The following NAA11 variants were observed in gnomAD, a reference collection of about 807,000 sequenced individuals.
NAA11 encodes the protein N-alpha-acetyltransferase 11, NatA catalytic subunit, also known as N-alpha-acetyltransferase 11.
NAA11 carries 15 observed loss-of-function variants against 16.1 expected under a neutral mutation model. The observed-to-expected ratio is 0.93, with a 90% CI of 0.62 to 1.44. The LOEUF (loss-of-function observed/expected upper bound fraction) is 1.44, where lower values mean the gene tolerates loss of function less well. Ranked by LOEUF, NAA11 falls within the 40% of genes most tolerant of loss-of-function variation. The pLI is 0.00. For synonymous variants in NAA11, 122 were observed against 112.4 expected (o/e 1.09, Z -0.54); for missense variants, 298 against 291.3 (o/e 1.02, Z -0.17).
chr4:79,202,647 A>ATATATATATATATATC, the NAA11 span, among the ~76,000 whole-genome samples: 97 of 126,622 alleles, frequency 7.7e-4, 8 homozygotes, highest in East Asian at 7.9e-4. Flanking sequence ...ATATATATAT[A>ATATATATATATATATC]TATCTGTGTA....
the NAA11 span, among the ~76,000 whole-genome samples, chr4:79,205,399 G>C: frequency 6.6e-6 from 1 of 151,982 alleles, no homozygotes; most frequent in Middle Eastern, 3.4e-3. Flanking sequence ...TTGGTCATTT[G>C]TATATCTTCT....
chr4:79,305,787 T>C (rs1032814300), intron 1 of NAA11, among the ~76,000 whole-genome samples: 2 of 152,198 alleles, frequency 1.3e-5, no homozygotes, highest in African/African-American at 4.8e-5. Flanking sequence ...TTTAGGTATA[T>C]TGAAAGACTC....
chr4:79,283,808 C>G (rs1208899166), intron 2 of NAA11, among the ~76,000 whole-genome samples: 1 of 152,014 alleles, frequency 6.6e-6, no homozygotes, highest in African/African-American at 2.4e-5. Flanking sequence ...TAAAAAATAT[C>G]TGTACTAGAA....
intron 2 of NAA11, among the ~76,000 whole-genome samples, chr4:79,241,018 A>G (rs1721682440): frequency 6.6e-6 from 1 of 152,220 alleles, no homozygotes; most frequent in South Asian, 2.1e-4. Context: ...CGATATGGCT[A>G]GTGGAGAAAG....
the NAA11 span, among the ~76,000 whole-genome samples, chr4:79,206,376 T>TC: frequency 9.0e-4 from 137 of 152,004 alleles, no homozygotes; most frequent in African/African-American, 3.2e-3. Context: ...TCAAAGACTT[T>TC]CCCCCCCATC....
chr4:79,157,252 C>A, the NAA11 span, among the ~76,000 whole-genome samples: 1 of 152,028 alleles, frequency 6.6e-6, no homozygotes, highest in Non-Finnish European at 1.5e-5. Flanking sequence ...TCTCTCACCC[C>A]CTCCCACCTT....
At chr4:79,193,623 C>T in the NAA11 span, among the ~76,000 whole-genome samples, 179 of 152,262 alleles carry the variant, frequency 1.2e-3, no homozygotes, top group African/African-American at 3.8e-3. Flanking sequence ...GTTTTGGTTA[C>T]TGTAGCCTTG....
downstream of NAA11, among the ~76,000 whole-genome samples, chr4:79,224,518 A>G (rs1476276376): frequency 2.0e-5 from 3 of 152,126 alleles, no homozygotes; most frequent in African/African-American, 7.2e-5. Context: ...AAAAAAAGCA[A>G]CCAACCAGAC....
downstream of NAA11, among the ~76,000 whole-genome samples, chr4:79,312,171 A>G (rs986217429): frequency 6.6e-6 from 1 of 152,202 alleles, no homozygotes; most frequent in African/African-American, 2.4e-5. Context: ...AGAGTACGTG[A>G]TTTTTCAAAA....
the NAA11 span, chr4:79,195,915 C>T: frequency 0.088 from 13,588 of 154,224 alleles, 688 homozygotes; most frequent in Middle Eastern, 0.13. Flanking sequence ...CCTGAGACCT[C>T]GCCAGCCATG....
exon 3 of NAA11, chr4:79,226,099 G>C (rs1239895909): frequency 6.6e-6 from 1 of 152,090 alleles, no homozygotes; most frequent in African/African-American, 2.4e-5. Context: ...GTGTGTGTGT[G>C]AGTGTGAGTG....
chr4:79,246,831 G>T (rs1284585519), intron 2 of NAA11, among the ~76,000 whole-genome samples: 1 of 152,182 alleles, frequency 6.6e-6, no homozygotes, highest in Admixed American at 6.5e-5. Context: ...GATTCACTTA[G>T]AATTCAAATT....
the NAA11 span, among the ~76,000 whole-genome samples, chr4:79,171,495 T>C: frequency 2.0e-5 from 3 of 152,178 alleles, no homozygotes; most frequent in South Asian, 4.1e-4. Context: ...TATTCTGCTA[T>C]AGCAGCATAA....
downstream of NAA11, among the ~76,000 whole-genome samples, chr4:79,224,794 T>C (rs114139002): frequency 6.3e-3 from 961 of 152,220 alleles, 17 homozygotes; most frequent in African/African-American, 0.021. Context: ...CAGTGATCAA[T>C]CATGTTGCTA....
At chr4:79,264,778 C>T (rs74494432) in intron 2 of NAA11, among the ~76,000 whole-genome samples, 1,546 of 152,204 alleles carry the variant, frequency 0.01, 34 homozygotes, top group African/African-American at 0.035. Context: ...CTAAATGCAT[C>T]GGGTCTCAAT....
the NAA11 span, among the ~76,000 whole-genome samples, chr4:79,189,087 A>G: frequency 7.1e-6 from 1 of 139,918 alleles, no homozygotes; most frequent in Admixed American, 8.0e-5. Context: ...CGGAGCTTGC[A>G]GTGAGCTGAG....
rs566351865 is a variant in NAA11 at position 79,263,072 on chromosome 4, T to G, written c.*122+30933A>C. Among the ~76,000 whole-genome samples the G allele has an allele frequency of 2.0e-5, 3 of 152,184 alleles. No individual in the cohort carries two copies. The South Asian group carries it at 6.2e-4, about 32-fold the overall frequency. On this transcript the variant is annotated intron_variant and NMD_transcript_variant, in intron 2 of 2. Coordinates refer to the NAA11 transcript ENST00000511542. ...TTAAAAACTATGAATAGCATAATAA[T>G]TTAGATAAGGGAGAGAACAATGATT... is the stretch of plus-strand genomic sequence containing the variant.
Position 79,325,872 on chromosome 4 carries a change from G to T in NAA11, c.6C>A (p.Asn2Lys). 6.2e-7 allele frequency: 1 copy of T among 1,606,282 alleles called. No homozygotes were observed. Among genetic ancestry groups the T allele is most frequent in the Non-Finnish European group, 8.5e-7 (1 of 1,175,356 alleles). Residue 2 changes from asparagine (N) to lysine (K), a missense_variant, in exon 1 of 2, where the codon AAC becomes AAA. Asn to Lys is a moderately conservative substitution (Grantham distance 94). Transcript: ENST00000286794. ...GGTCGTCTGGCTGAGCGTTGCGGAT[G>T]TTCATAATGGCAGAGGGTAGGGAAC... The part of the protein sequence containing the change: M[N>K]IRNAQPDDLM...
chr4:79,284,834 T>C, intron 2 of NAA11, among the ~76,000 whole-genome samples: 1 of 115,794 alleles, frequency 8.6e-6, no homozygotes, highest in African/African-American at 3.6e-5. Flanking sequence ...ATTGCGCCAC[T>C]GCAGTCCGCA....
Sources: gnomAD v4.1 joint callset for allele counts (sites outside exome capture counted in the v4.1 genomes callset) on GRCh38, gnomAD v4.1.1 for gene constraint, MANE v1.5 for transcripts, NCBI Gene and HGNC (gene_info 2026-07-23, HGNC 2026-07-21) for gene names.